The following RPS6KA6 variants were observed in gnomAD, a reference collection of about 807,000 sequenced individuals.
RPS6KA6 encodes the protein ribosomal protein S6 kinase alpha-6.
RPS6KA6 carries 27 observed loss-of-function variants against 65.4 expected under a neutral mutation model. That is an observed-to-expected ratio of 0.41 (90% CI 0.30 to 0.57). The LOEUF (loss-of-function observed/expected upper bound fraction) is 0.57, where lower values mean the gene tolerates loss of function less well. Ranked by LOEUF, RPS6KA6 falls within the 20% of genes least tolerant of loss-of-function variation. The probability of loss-of-function intolerance (pLI) is 0.24; values close to 1 mark genes in which losing one functional copy is unlikely to be tolerated. For missense variants in RPS6KA6, 486 were observed against 555.6 expected, an observed-to-expected ratio of 0.87 and a Z score of 1.26; for synonymous variants, 190 against 184.2, an observed-to-expected ratio of 1.03 and a Z score of -0.26.
At chrX:84,124,757 T>G (rs2034744683) in intron 8 of RPS6KA6, among the ~76,000 whole-genome samples, 1 of 111,332 alleles carries the variant, frequency 9.0e-6, no homozygotes, top group African/African-American at 3.3e-5. Context: ...AGGGATAATA[T>G]CAGAGAACTC....
chrX:84,187,640 G>C (rs970687593), intron 1 of RPS6KA6, among the ~76,000 whole-genome samples, 179 bp downstream of exon 1: 2 of 112,202 alleles, frequency 1.8e-5, no homozygotes, highest in African/African-American at 6.5e-5. Flanking sequence ...CCGCAAGCCC[G>C]AGCCCGCCGT....
At position 84,058,478 on chromosome X, in the gene RPS6KA6, A is replaced by C. The variant is rs778585853; in HGVS notation, c.*5799T>G. 1 of 112,242 alleles carries C rather than the reference A, an allele frequency of 8.9e-6. No homozygotes were observed. The highest frequency in any genetic ancestry group is 1.9e-5 in the Non-Finnish European group (1 of 53,248). The allele number at this position is 112,242 out of a possible 1,213,427, so 9.3% of individuals were successfully genotyped here. A position where few individuals can be genotyped will look rare whatever the true frequency, so the allele number is the denominator to read the frequency against. On this transcript the variant is annotated 3_prime_UTR_variant, in exon 22 of 22. Coordinates refer to ENST00000262752, the MANE Select transcript of RPS6KA6 (RefSeq NM_014496.5). ...ATATAACTTCTATGTCTTCTTTGGC[A>C]TGTTGTAAATTCAAAATGATAGCCA...
chrX:84,093,271 G>A (rs962356711), intron 20 of RPS6KA6, among the ~76,000 whole-genome samples: 1 of 112,073 alleles, frequency 8.9e-6, no homozygotes, highest in East Asian at 2.8e-4. Context: ...AATAATCTAT[G>A]TCTGATGGGC....
chrX:84,101,798 G>A (rs975782741), intron 18 of RPS6KA6, among the ~76,000 whole-genome samples: 1 of 110,611 alleles, frequency 9.0e-6, no homozygotes, highest in African/African-American at 3.3e-5. Flanking sequence ...TCTGAAATTA[G>A]TATATAACCC....
intron 1 of RPS6KA6, among the ~76,000 whole-genome samples, chrX:84,179,415 G>T (rs1004620678): frequency 9.0e-6 from 1 of 111,103 alleles, no homozygotes; most frequent in African/African-American, 3.3e-5. Context: ...ACCAAACACT[G>T]GTAACAACCC....
chrX:84,172,368 GAACT>G (rs1216193252), intron 1 of RPS6KA6, among the ~76,000 whole-genome samples: 2 of 111,626 alleles, frequency 1.8e-5, no homozygotes, highest in African/African-American at 6.5e-5. Flanking sequence ...AGTATCTTAA[GAACT>G]AACCCTCTCA....
intron 1 of RPS6KA6, among the ~76,000 whole-genome samples, chrX:84,171,809 G>A (rs1010954504): frequency 1.1e-4 from 12 of 110,745 alleles, no homozygotes; most frequent in Non-Finnish European, 2.1e-4. Flanking sequence ...TTAGGTATTT[G>A]TCCGAATACT....
At chrX:84,099,999 T>C (rs1245567159) in intron 18 of RPS6KA6, among the ~76,000 whole-genome samples, 1 of 111,242 alleles carries the variant, frequency 9.0e-6, no homozygotes, top group Non-Finnish European at 1.9e-5. Context: ...CAATTCTAGT[T>C]TAAAAAAGAA....
chrX:84,087,269 T>G (rs1486412046), intron 20 of RPS6KA6, among the ~76,000 whole-genome samples: 1 of 111,771 alleles, frequency 8.9e-6, no homozygotes, highest in Non-Finnish European at 1.9e-5. Context: ...TGTACTTCAG[T>G]GTGTTTTTGT....
At chrX:84,175,355 A>C (rs2035748887) in intron 1 of RPS6KA6, among the ~76,000 whole-genome samples, 1 of 111,428 alleles carries the variant, frequency 9.0e-6, no homozygotes, top group South Asian at 3.7e-4. Context: ...GATCTCTATT[A>C]TTTATCTGTT....
intron 8 of RPS6KA6, among the ~76,000 whole-genome samples, chrX:84,122,361 GTTTTT>G (rs35459607): frequency 7.0e-5 from 3 of 43,009 alleles, no homozygotes; most frequent in African/African-American, 1.7e-4. Context: ...TTTTTTTTAA[GTTTTT>G]TTTTTTTTTT....
intron 20 of RPS6KA6, among the ~76,000 whole-genome samples, chrX:84,081,493 A>T (rs2033799540): frequency 8.9e-6 from 1 of 111,909 alleles, no homozygotes; most frequent in African/African-American, 3.3e-5. Flanking sequence ...CCAACCAAAA[A>T]AAGTCCAGGA....
intron 9 of RPS6KA6, among the ~76,000 whole-genome samples, chrX:84,117,793 G>A (rs912546612): frequency 9.0e-6 from 1 of 111,273 alleles, no homozygotes; most frequent in Admixed American, 9.6e-5. Flanking sequence ...CTTTTGAAGA[G>A]AATGTTTAAT....
chrX:84,109,884 C>G (rs1446398514), intron 12 of RPS6KA6, among the ~76,000 whole-genome samples: 1 of 111,207 alleles, frequency 9.0e-6, no homozygotes, highest in Non-Finnish European at 1.9e-5. Flanking sequence ...TTTGCCTAGT[C>G]CTGTCTACCA....
At chrX:84,142,912 A>G (rs1001957910) in intron 6 of RPS6KA6, among the ~76,000 whole-genome samples, 1 of 110,966 alleles carries the variant, frequency 9.0e-6, no homozygotes, top group Non-Finnish European at 1.9e-5. Context: ...TTTAAGGGCA[A>G]TTTATCATTG....
chrX:84,074,207 G>A (rs999762911), intron 20 of RPS6KA6, among the ~76,000 whole-genome samples: 4 of 112,025 alleles, frequency 3.6e-5, no homozygotes, highest in Non-Finnish European at 5.6e-5. Context: ...GCTGTCATTT[G>A]TGGCACCATA....
rs184723993 is a variant in RPS6KA6, at chrX:84,164,435, A to T, written c.82-48T>A. 33 of 887,416 alleles carry T rather than the reference A, an allele frequency of 3.7e-5. 1 individual carries two copies. In the Admixed American group the frequency reaches 6.7e-4, roughly 18 times the overall value. The allele number at this position is 887,416 out of a possible 1,213,427, so 73.1% of individuals were successfully genotyped here. On this transcript the variant is annotated intron_variant, in intron 1 of 21. Transcript: ENST00000262752. ...TGAGGTTCAAAAGTATTAAAACAAG[A>T]GTGATAACTAAGAAAAATATAACCC...
intron 1 of RPS6KA6, among the ~76,000 whole-genome samples, chrX:84,169,298 C>G (rs765030107): frequency 9.0e-6 from 1 of 111,319 alleles, no homozygotes; most frequent in East Asian, 2.8e-4. Flanking sequence ...ATATGCGGGA[C>G]AAACAGAAAT....
chrX:84,076,507 G>A (rs1293711220), intron 20 of RPS6KA6, among the ~76,000 whole-genome samples: 3 of 111,670 alleles, frequency 2.7e-5, no homozygotes, highest in Non-Finnish European at 1.9e-5. Flanking sequence ...GAAAATAAAC[G>A]TAATTCAAAT....
Sources: gnomAD v4.1 joint callset for allele counts (sites outside exome capture counted in the v4.1 genomes callset) on GRCh38, gnomAD v4.1.1 for gene constraint, MANE v1.5 for transcripts, NCBI Gene and HGNC (gene_info 2026-07-23, HGNC 2026-07-21) for gene names.